The following SHROOM3 variants were observed in gnomAD, a reference collection of about 807,000 sequenced individuals.
The protein encoded by SHROOM3 is protein Shroom3.
A neutral mutation model predicts 138.6 loss-of-function variants in SHROOM3; 47 were observed. The ratio of observed to expected loss-of-function variants is 0.34; its 90% CI spans 0.27 to 0.43. SHROOM3 has a LOEUF of 0.43. Among genes scored for constraint, SHROOM3 ranks in the 20% least tolerant of loss-of-function variants. The pLI, the probability that SHROOM3 is intolerant of heterozygous loss-of-function variation, is 1.00. For synonymous variants in SHROOM3, 1,062 were observed against 1,063.3 expected (o/e 1.00, Z 0.02); for missense variants, 2,491 against 2,596.5 (o/e 0.96, Z 0.88).
At chr4:76,682,334 T>C (rs1189205247) in intron 2 of SHROOM3, among the ~76,000 whole-genome samples, 1 of 152,196 alleles carries the variant, frequency 6.6e-6, no homozygotes, top group East Asian at 1.9e-4. Context: ...AAAAACCTTC[T>C]GTGGAAGATG....
Position 76,754,741 on chromosome 4 carries a change from G to A in SHROOM3, c.4258G>A (p.Val1420Ile). 1 of 1,614,200 alleles carries A rather than the reference G, an allele frequency of 6.2e-7. No individual in the cohort carries two copies. Among genetic ancestry groups the A allele is most frequent in the Non-Finnish European group, 8.5e-7 (1 of 1,180,022 alleles). The change falls in exon 7 of 11, where the codon GTC becomes ATC. Residue 1420 changes from valine (V) to isoleucine (I), a missense_variant. Around this residue, in one of 4 missense-constraint regions of SHROOM3, gnomAD observed 1,733 missense variants for 1,661.6 expected, o/e 1.04. Coordinates refer to ENST00000296043, the MANE Select transcript of SHROOM3 (RefSeq NM_020859.4). ...GGTAGAAGAGGGAACGAGGAAGAGGGTCTCGCTGCCTCAGTGGCCACCTCC... is the reference window on the plus strand; with the variant it reads ...GGTAGAAGAGGGAACGAGGAAGAGGATCTCGCTGCCTCAGTGGCCACCTCC... ...HGVEEGTRKR[V>I]SLPQWPPPSR...
chr4:76,564,522 T>C (rs1453174875), intron 2 of SHROOM3, among the ~76,000 whole-genome samples: 1 of 152,220 alleles, frequency 6.6e-6, no homozygotes, highest in Non-Finnish European at 1.5e-5. Context: ...TTTTATTTCC[T>C]AACCAGTTGT....
intron 1 of SHROOM3, among the ~76,000 whole-genome samples, chr4:76,512,985 T>C (rs950773705): frequency 4.6e-5 from 7 of 152,214 alleles, no homozygotes; most frequent in Non-Finnish European, 1.0e-4. Context: ...TGAGCAAGTC[T>C]TGTGAATTGC....
At chr4:76,660,584 G>T (rs762449590) in intron 2 of SHROOM3, among the ~76,000 whole-genome samples, 1 of 151,838 alleles carries the variant, frequency 6.6e-6, no homozygotes, top group Admixed American at 6.6e-5. Flanking sequence ...CAAATGATTC[G>T]TCTGCCTCAG....
intron 1 of SHROOM3, among the ~76,000 whole-genome samples, chr4:76,498,393 A>G (rs1165230870): frequency 1.3e-5 from 2 of 152,056 alleles, no homozygotes; most frequent in Non-Finnish European, 2.9e-5. Flanking sequence ...AATAGATTAA[A>G]TGGATGGATG....
intron 3 of SHROOM3, among the ~76,000 whole-genome samples, 182 bp from the exon 4 acceptor site, chr4:76,730,621 CA>C (rs1720843241): frequency 6.6e-6 from 1 of 152,214 alleles, no homozygotes; most frequent in South Asian, 2.1e-4. Context: ...ACAAGTTAAG[CA>C]GAGAATAACA....
At chr4:76,537,430 A>T (rs886424527) in intron 1 of SHROOM3, among the ~76,000 whole-genome samples, 3 of 152,120 alleles carry the variant, frequency 2.0e-5, no homozygotes, top group Non-Finnish European at 2.9e-5. Flanking sequence ...TTCTAAACTG[A>T]GGAGTGATGT....
Position 76,739,062 on chromosome 4 carries a change from G to A in SHROOM3, c.889G>A (p.Glu297Lys), listed in dbSNP as rs746483211. ...TACTTCTGCTCGAGGTGGCCTCCTC[G>A]AAGGGATGAGGCAGGCAGATATTCG... ...DNTSARGGLL[E>K]GMRQADIRYV... The change falls in exon 5 of 11, where the codon GAA becomes AAA. Residue 297 changes from glutamate to lysine, a missense_variant. By Grantham distance (56) the Glu-to-Lys change is moderately conservative. Transcript: ENST00000296043. 2.1e-5 allele frequency: 34 copies of A among 1,614,106 alleles called. No individual in the cohort carries two copies. Among genetic ancestry groups the A allele is most frequent in the Non-Finnish European group, 2.6e-5 (31 of 1,180,042 alleles).
intron 10 of SHROOM3, among the ~76,000 whole-genome samples, chr4:76,778,466 T>C (rs1024001833): frequency 2.0e-5 from 3 of 152,100 alleles, no homozygotes; most frequent in African/African-American, 7.2e-5. Context: ...AAGTGATCCA[T>C]CCATCCCGGC....
intron 5 of SHROOM3, chr4:76,742,132 C>G: frequency 1.4e-6 from 1 of 695,514 alleles, no homozygotes; most frequent in Non-Finnish European, 2.6e-6. Flanking sequence ...ATCTAGATTA[C>G]GTATGTTGTT....
At chr4:76,517,065 G>GAATC (rs1406351896) in intron 1 of SHROOM3, among the ~76,000 whole-genome samples, 1 of 152,168 alleles carries the variant, frequency 6.6e-6, no homozygotes, top group Admixed American at 6.6e-5. Context: ...TCTTACAATG[G>GAATC]GATTAGATAT....
At chr4:76,658,198 A>G (rs1736108600) in intron 2 of SHROOM3, among the ~76,000 whole-genome samples, 1 of 152,252 alleles carries the variant, frequency 6.6e-6, no homozygotes, top group Non-Finnish European at 1.5e-5. Flanking sequence ...GAAGCTGAAC[A>G]CCAAATTACA....
chr4:76,559,959 A>G (rs1733566000), intron 2 of SHROOM3, among the ~76,000 whole-genome samples: 1 of 152,182 alleles, frequency 6.6e-6, no homozygotes, highest in African/African-American at 2.4e-5. Flanking sequence ...GTGAAGGTTA[A>G]CAGCTAGTAG....
intron 3 of SHROOM3, among the ~76,000 whole-genome samples, chr4:76,713,295 CT>C (rs1720284631): frequency 6.6e-6 from 1 of 152,102 alleles, no homozygotes; most frequent in Admixed American, 6.5e-5. Context: ...CAAATATTTT[CT>C]TTTTTATATC....
intron 1 of SHROOM3, among the ~76,000 whole-genome samples, chr4:76,481,559 A>C (rs1731610165): frequency 1.3e-5 from 2 of 152,010 alleles, no homozygotes; most frequent in Non-Finnish European, 2.9e-5. Context: ...ATTCTACCAG[A>C]GGTACAAAGA....
At chr4:76,681,404 T>C (rs1368236785) in intron 2 of SHROOM3, among the ~76,000 whole-genome samples, 1 of 151,958 alleles carries the variant, frequency 6.6e-6, no homozygotes, top group Non-Finnish European at 1.5e-5. Context: ...GTTTGCTGGG[T>C]ACAAATATTG....
chr4:76,619,034 G>A (rs945180742), intron 2 of SHROOM3, among the ~76,000 whole-genome samples: 3 of 152,120 alleles, frequency 2.0e-5, no homozygotes, highest in Non-Finnish European at 4.4e-5. Flanking sequence ...TTTTAGTAGA[G>A]ACGGGGTTTC....
chr4:76,646,247 T>TATATATATATATATATAA (rs1355216659), intron 2 of SHROOM3, among the ~76,000 whole-genome samples: 2 of 140,778 alleles, frequency 1.4e-5, no homozygotes, highest in African/African-American at 2.6e-5. Context: ...TATATATATA[T>TATATATATATATATATAA]AAAATTAAAA....
At chr4:76,587,094 A>G (rs1734171416) in intron 2 of SHROOM3, 1 of 152,194 alleles carries the variant, frequency 6.6e-6, no homozygotes, top group Non-Finnish European at 1.5e-5. Flanking sequence ...AACAGTTGAG[A>G]TGCTTAAGAA....
Sources: allele counts gnomAD v4.1 joint callset (sites outside exome capture counted in the v4.1 genomes callset), GRCh38; gene constraint gnomAD v4.1.1; regional missense constraint gnomAD v4.1.1; transcripts MANE v1.5; gene names NCBI Gene and HGNC (gene_info 2026-07-23, HGNC 2026-07-21).